FAM117B: variants seen among roughly 807,000 people sequenced by gnomAD.
FAM117B encodes the protein family with sequence similarity 117 member B.
FAM117B carries 22 observed loss-of-function variants against 52.8 expected under a neutral mutation model. The ratio of observed to expected loss-of-function variants is 0.42; its 90% CI spans 0.30 to 0.59. FAM117B has a LOEUF of 0.59. Among genes scored for constraint, FAM117B ranks in the 20% least tolerant of loss-of-function variants. The pLI, the probability that FAM117B is intolerant of heterozygous loss-of-function variation, is 0.22. For missense variants in FAM117B, 678 were observed against 802.6 expected (o/e 0.84, Z 1.88); for synonymous variants, 309 against 324.1 (o/e 0.95, Z 0.50).
intron 1 of FAM117B, among the ~76,000 whole-genome samples, chr2:202,691,652 TGTG>T (rs1690626524): frequency 3.5e-5 from 1 of 28,652 alleles, no homozygotes; most frequent in Non-Finnish European, 5.9e-5. Context: ...GTTTACATTG[TGTG>T]TGTGTGTGTG....
intron 7 of FAM117B, among the ~76,000 whole-genome samples, chr2:202,765,102 A>G (rs561627814): frequency 2.0e-5 from 3 of 152,160 alleles, no homozygotes; most frequent in Non-Finnish European, 2.9e-5. Context: ...TTCTTTTGCT[A>G]TAGGAAATTC....
rs1050062658 is a variant in FAM117B at position 202,634,994 on chromosome 2, A to C, written c.-194A>C. On this transcript the variant is annotated 5_prime_UTR_variant, in exon 1 of 8. Coordinates refer to ENST00000392238, the MANE Select transcript of FAM117B (RefSeq NM_173511.4). ...AGAGGAGACACTATTGTTGATGAGG[A>C]GCGGCGGCGGCGGCGGCGGCGGCTG... 6.8e-6 allele frequency among the ~76,000 whole-genome samples: 1 copy of C among 147,534 alleles called. No individual in the cohort carries two copies. Among genetic ancestry groups the C allele is most frequent in the South Asian group, 2.1e-4 (1 of 4,728 alleles).
chr2:202,736,491 T>C (rs957834817), intron 4 of FAM117B, among the ~76,000 whole-genome samples: 1 of 152,188 alleles, frequency 6.6e-6, no homozygotes, highest in African/African-American at 2.4e-5. Flanking sequence ...CGCAGGGCAG[T>C]GGCTTAAGCC....
intron 2 of FAM117B, among the ~76,000 whole-genome samples, chr2:202,712,150 C>G (rs1400046919): frequency 1.3e-5 from 2 of 152,066 alleles, no homozygotes; most frequent in Admixed American, 1.3e-4. Flanking sequence ...AACATTTTAA[C>G]AATATCTATT....
In FAM117B at chr2:202,701,385, A is replaced by T. The variant is rs545147565; in HGVS notation, c.753+5353A>T. On this transcript the variant is annotated intron_variant, in intron 2 of 7. Transcript: ENST00000392238. ...CACCCAAGAGCTGTGATGCAGATAC[A>T]CACAGAGAGGAATGTTGCTTTCATG... 4.6e-5 allele frequency among the ~76,000 whole-genome samples: 7 copies of T among 152,348 alleles called. No individual in the cohort carries two copies. In the South Asian group the frequency reaches 1.2e-3, roughly 27 times the overall value.
chr2:202,712,388 A>G (rs924969538), intron 2 of FAM117B, among the ~76,000 whole-genome samples: 4 of 133,570 alleles, frequency 3.0e-5, no homozygotes, highest in Non-Finnish European at 6.5e-5. Flanking sequence ...TTGATTTTGT[A>G]TCCTGCAACC....
In FAM117B at chr2:202,726,066, A is replaced by G. The variant is rs1574570951; in HGVS notation, c.847-184A>G. On this transcript the variant is annotated intron_variant, in intron 3 of 7. Transcript: ENST00000392238. ...CGAAGGCTGAGAACAATGTTGGAAC[A>G]TATACACATACATGCATGTGTAGAT... 3.9e-5 allele frequency among the ~76,000 whole-genome samples: 6 copies of G among 152,352 alleles called. No homozygotes were observed. In the East Asian group the frequency reaches 1.2e-3, roughly 29 times the overall value.
intron 1 of FAM117B, among the ~76,000 whole-genome samples, chr2:202,682,151 G>T (rs1032496042): frequency 6.6e-6 from 1 of 152,042 alleles, no homozygotes. Flanking sequence ...CACTTTCATC[G>T]GCAATAAAAT....
At position 202,768,931 on chromosome 2, in the gene FAM117B, T is replaced by C. The variant is rs1195485765; in HGVS notation, c.*3167T>C. 1 of 152,198 alleles carries C rather than the reference T, an allele frequency of 6.6e-6. No individual in the cohort carries two copies. The highest frequency in any genetic ancestry group is 1.5e-5 in the Non-Finnish European group (1 of 68,032). The allele number at this position is 152,198 out of a possible 1,614,324, so 9.4% of individuals were successfully genotyped here. On this transcript the variant is annotated 3_prime_UTR_variant, in exon 8 of 8. Transcript: ENST00000392238. ...TTCTTCTTTGTGATGATAAAAATAA[T>C]ATAAATTTACTGTTTCTGATCATGA...
chr2:202,662,445 G>C (rs999696179), intron 1 of FAM117B, among the ~76,000 whole-genome samples: 1 of 152,168 alleles, frequency 6.6e-6, no homozygotes, highest in Non-Finnish European at 1.5e-5. Flanking sequence ...TTGCAGTCAG[G>C]AGGAATAAGT....
intron 4 of FAM117B, among the ~76,000 whole-genome samples, chr2:202,747,000 C>A (rs1691645437): frequency 6.7e-6 from 1 of 148,832 alleles, no homozygotes. Context: ...GGCCAGTATC[C>A]CTATTGAACA....
Position 202,635,045 on chromosome 2 carries a change from G to A in FAM117B, c.-143G>A, listed in dbSNP as rs1386354253. On this transcript the variant is annotated 5_prime_UTR_variant, in exon 1 of 8. Coordinates refer to ENST00000392238, the MANE Select transcript of FAM117B (RefSeq NM_173511.4). Reference sequence around the variant, plus strand: ...CACCACCTCGTTGCTGCCTGCCCCGGCCCGGTCTCCCCCTGCACCCCGGAG... The same window carrying A: ...CACCACCTCGTTGCTGCCTGCCCCGACCCGGTCTCCCCCTGCACCCCGGAG... 34 of 1,114,000 alleles carry A rather than the reference G, an allele frequency of 3.1e-5. No homozygotes were observed. Among genetic ancestry groups the A allele is most frequent in the Non-Finnish European group, 3.6e-5 (32 of 876,956 alleles). The allele number at this position is 1,114,000 out of a possible 1,614,324, so 69.0% of individuals were successfully genotyped here. A position where few individuals can be genotyped will look rare whatever the true frequency, so the allele number is the denominator to read the frequency against.
chr2:202,744,901 C>T (rs570874055), intron 4 of FAM117B, among the ~76,000 whole-genome samples: 4 of 145,140 alleles, frequency 2.8e-5, no homozygotes, highest in East Asian at 2.1e-4. Flanking sequence ...CACTTGAACC[C>T]GGGAGGCAGA....
chr2:202,761,996 A>G (rs1691897837), intron 7 of FAM117B, among the ~76,000 whole-genome samples: 1 of 152,102 alleles, frequency 6.6e-6, no homozygotes, highest in African/African-American at 2.4e-5. Context: ...AAGTGTGGAT[A>G]TCTAAGAAGT....
chr2:202,715,866 G>A (rs539955985), intron 2 of FAM117B, among the ~76,000 whole-genome samples: 14 of 152,354 alleles, frequency 9.2e-5, no homozygotes, highest in South Asian at 4.1e-4. Flanking sequence ...GATCACTTGC[G>A]GTTAGGAGAT....
intron 7 of FAM117B, among the ~76,000 whole-genome samples, chr2:202,762,998 A>T (rs1194612006): frequency 6.6e-6 from 1 of 151,924 alleles, no homozygotes; most frequent in East Asian, 1.9e-4. Flanking sequence ...ACTTTATCTA[A>T]ATCAGGAAGT....
chr2:202,701,678 G>A (rs1690797255), intron 2 of FAM117B, among the ~76,000 whole-genome samples: 1 of 152,226 alleles, frequency 6.6e-6, no homozygotes, highest in Non-Finnish European at 1.5e-5. Flanking sequence ...CCTCATGGAT[G>A]ACTTTGAGGG....
chr2:202,654,965 GC>G (rs1405082752), intron 1 of FAM117B, among the ~76,000 whole-genome samples: 1 of 151,710 alleles, frequency 6.6e-6, no homozygotes, highest in Non-Finnish European at 1.5e-5. Flanking sequence ...GAAAAAATGT[GC>G]CCCAAAACAA....
chr2:202,764,783 G>A (rs1691950418), intron 7 of FAM117B, among the ~76,000 whole-genome samples: 1 of 152,100 alleles, frequency 6.6e-6, no homozygotes, highest in Non-Finnish European at 1.5e-5. Context: ...GAAGGATTTG[G>A]CTTTAATAAA....
Sources: allele counts gnomAD v4.1 joint callset (sites outside exome capture counted in the v4.1 genomes callset), GRCh38; gene constraint gnomAD v4.1.1; transcripts MANE v1.5; gene names NCBI Gene and HGNC (gene_info 2026-07-23, HGNC 2026-07-21).